The following SGCZ variants were observed in gnomAD, a reference collection of about 807,000 sequenced individuals.
SGCZ encodes sarcoglycan zeta.
SGCZ carries 40 observed loss-of-function variants against 41.3 expected under a neutral mutation model. The ratio of observed to expected loss-of-function variants is 0.97; its 90% CI spans 0.75 to 1.26. The LOEUF (loss-of-function observed/expected upper bound fraction) is 1.26. Among genes scored for constraint, SGCZ ranks in the 50% most tolerant of loss-of-function variants. The probability of loss-of-function intolerance (pLI) is 0.00; values close to 1 mark genes in which losing one functional copy is unlikely to be tolerated. For synonymous variants in SGCZ, 206 were observed against 137.5 expected (o/e 1.50, Z -3.49); for missense variants, 552 against 369.8 (o/e 1.49, Z -4.04).
intron 2 of SGCZ, among the ~76,000 whole-genome samples, chr8:14,339,378 T>C (rs1370767374): frequency 6.6e-6 from 1 of 152,192 alleles, no homozygotes; most frequent in Non-Finnish European, 1.5e-5. Context: ...CTCTAAATGT[T>C]TAAATACAGA....
At chr8:15,044,804 G>C (rs73665374) in intron 1 of SGCZ, among the ~76,000 whole-genome samples, 9,445 of 152,112 alleles carry the variant, frequency 0.062, 355 homozygotes, top group Middle Eastern at 0.1. Context: ...CCTACCAAGA[G>C]CACAGCTTGA....
chr8:14,763,498 G>A (rs1257250755), intron 1 of SGCZ, among the ~76,000 whole-genome samples: 2 of 152,148 alleles, frequency 1.3e-5, no homozygotes, highest in Non-Finnish European at 2.9e-5. Flanking sequence ...AGCACTGGAT[G>A]TTTCTTAGCT....
intron 1 of SGCZ, among the ~76,000 whole-genome samples, chr8:14,746,499 C>G (rs1799343921): frequency 6.6e-6 from 1 of 152,056 alleles, no homozygotes. Context: ...TATTTATATT[C>G]ATATTTCCTC....
chr8:14,455,451 T>C (rs901044767), intron 2 of SGCZ, among the ~76,000 whole-genome samples: 1 of 115,004 alleles, frequency 8.7e-6, no homozygotes, highest in Non-Finnish European at 1.8e-5. Context: ...GACATTTGCA[T>C]GCATACACAC....
intron 2 of SGCZ, among the ~76,000 whole-genome samples, chr8:14,346,900 C>A (rs982846694): frequency 6.6e-6 from 1 of 151,902 alleles, no homozygotes; most frequent in African/African-American, 2.4e-5. Flanking sequence ...ATCTTATAAA[C>A]ATTTCAATCA....
intron 1 of SGCZ, among the ~76,000 whole-genome samples, chr8:14,603,648 C>G (rs1317470585): frequency 6.6e-6 from 1 of 152,082 alleles, no homozygotes; most frequent in African/African-American, 2.4e-5. Flanking sequence ...GAAAGACCCA[C>G]AAATGCAATT....
chr8:14,790,354 A>C (rs35646042), intron 1 of SGCZ, among the ~76,000 whole-genome samples: 1 of 152,052 alleles, frequency 6.6e-6, no homozygotes, highest in Non-Finnish European at 1.5e-5. Context: ...GACAGCAATA[A>C]TCTTGTCAAT....
intron 1 of SGCZ, among the ~76,000 whole-genome samples, chr8:14,562,490 G>T (rs1804235945): frequency 6.6e-6 from 1 of 152,050 alleles, no homozygotes; most frequent in African/African-American, 2.4e-5. Flanking sequence ...ATTAGTGATA[G>T]ATATTACAAA....
At chr8:14,821,174 C>G (rs1802068716) in intron 1 of SGCZ, among the ~76,000 whole-genome samples, 1 of 151,898 alleles carries the variant, frequency 6.6e-6, no homozygotes. Context: ...TGATAAGAGA[C>G]TATTATGAAT....
At chr8:14,632,801 A>G (rs1004925458) in intron 1 of SGCZ, among the ~76,000 whole-genome samples, 2 of 152,058 alleles carry the variant, frequency 1.3e-5, no homozygotes, top group African/African-American at 4.8e-5. Context: ...CCTATAAGAT[A>G]AAGGGGAGAA....
At chr8:14,366,286 G>T (rs1053390493) in intron 2 of SGCZ, among the ~76,000 whole-genome samples, 4 of 152,112 alleles carry the variant, frequency 2.6e-5, no homozygotes, top group African/African-American at 7.2e-5. Context: ...CAGAGCAGAA[G>T]GTGAAGCAGG....
intron 3 of SGCZ, among the ~76,000 whole-genome samples, chr8:14,259,312 T>A (rs919551267): frequency 2.0e-5 from 3 of 152,158 alleles, no homozygotes. Flanking sequence ...CTCTTTAGTT[T>A]AATTAGATCC....
intron 2 of SGCZ, among the ~76,000 whole-genome samples, chr8:14,442,742 T>A (rs1446618368): frequency 6.6e-6 from 1 of 152,232 alleles, no homozygotes; most frequent in African/African-American, 2.4e-5. Context: ...ATTTGTTTCA[T>A]TGATTGACCT....
In SGCZ at chr8:14,108,172, T is replaced by C. The variant is rs1304977381; in HGVS notation, c.611A>G (p.Gln204Arg). ...AAGAGGAAGCCCTTACCTGAGATCTTGGGATGGCTCTGCTCTGATGTGCGG... is the reference window on the plus strand; with the variant it reads ...AAGAGGAAGCCCTTACCTGAGATCTCGGGATGGCTCTGCTCTGATGTGCGG... ...ETPHIRAEPS[Q>R]DLRLESPTRS... Residue 204 changes from glutamine to arginine, a missense_variant, in exon 6 of 8, where the codon CAA (glutamine) becomes CGA (arginine). Gln to Arg is a conservative substitution (Grantham distance 43). Transcript: ENST00000382080. 3.1e-6 allele frequency: 5 copies of C among 1,613,958 alleles called. No individual in the cohort carries two copies. Among genetic ancestry groups the C allele is most frequent in the Non-Finnish European group, 4.2e-6 (5 of 1,179,984 alleles).
At chr8:14,484,305 A>C (rs1388614518) in intron 2 of SGCZ, among the ~76,000 whole-genome samples, 1 of 152,176 alleles carries the variant, frequency 6.6e-6, no homozygotes, top group Non-Finnish European at 1.5e-5. Flanking sequence ...ATCAGAGAGA[A>C]ATGGTAAGAA....
chr8:14,383,570 A>G (rs1804450539), intron 2 of SGCZ, among the ~76,000 whole-genome samples: 1 of 152,240 alleles, frequency 6.6e-6, no homozygotes, highest in Non-Finnish European at 1.5e-5. Context: ...AAAAAAGAAC[A>G]TGTGAATTAA....
chr8:14,688,886 C>T (rs1290496136), intron 1 of SGCZ, among the ~76,000 whole-genome samples: 2 of 151,976 alleles, frequency 1.3e-5, no homozygotes, highest in African/African-American at 4.8e-5. Context: ...CCCAAAATGT[C>T]CTTAAGCTGA....
intron 1 of SGCZ, among the ~76,000 whole-genome samples, chr8:15,075,224 A>C: frequency 2.5e-5 from 1 of 39,508 alleles, no homozygotes; most frequent in South Asian, 6.2e-4. Context: ...TAGTAGTCAG[A>C]CAAAAAAAAA....
At chr8:15,063,219 A>C (rs905296135) in intron 1 of SGCZ, among the ~76,000 whole-genome samples, 1 of 152,150 alleles carries the variant, frequency 6.6e-6, no homozygotes, top group African/African-American at 2.4e-5. Context: ...GAGTCCAGAG[A>C]AATTGACTAT....
Sources: allele counts gnomAD v4.1 joint callset (sites outside exome capture counted in the v4.1 genomes callset), GRCh38; gene constraint gnomAD v4.1.1; transcripts MANE v1.5; gene names NCBI Gene and HGNC (gene_info 2026-07-23, HGNC 2026-07-21).